The following CNTNAP2 variants were observed in gnomAD, a reference collection of about 807,000 sequenced individuals.
The protein encoded by CNTNAP2 is contactin-associated protein-like 2.
In CNTNAP2, 98 loss-of-function variants were observed where a neutral mutation model predicts 155.2. That is an observed-to-expected ratio of 0.63 (90% CI 0.54 to 0.75). The LOEUF is 0.75. CNTNAP2 is among the 30% of genes least tolerant of loss of function. The pLI is 0.00. For synonymous variants in CNTNAP2, 651 were observed against 631.2 expected, an observed-to-expected ratio of 1.03 and a Z score of -0.47; for missense variants, 1,727 against 1,688.1, an observed-to-expected ratio of 1.02 and a Z score of -0.40.
intron 3 of CNTNAP2, among the ~76,000 whole-genome samples, chr7:147,005,377 T>C (rs796096860): frequency 6.6e-5 from 10 of 152,234 alleles, no homozygotes; most frequent in African/African-American, 2.4e-4. Context: ...ACAAAAGTAT[T>C]GTAGAGAAGG....
intron 15 of CNTNAP2, among the ~76,000 whole-genome samples, chr7:148,046,075 T>C (rs1339473999): frequency 1.3e-5 from 2 of 152,174 alleles, no homozygotes; most frequent in Non-Finnish European, 2.9e-5. Flanking sequence ...TACCAAAATA[T>C]AGCACCAGTT....
At chr7:146,200,541 C>CACACACAT (rs140777495) in intron 1 of CNTNAP2, among the ~76,000 whole-genome samples, 11 of 150,834 alleles carry the variant, frequency 7.3e-5, no homozygotes, top group African/African-American at 2.0e-4. Context: ...CACACACACA[C>CACACACAT]ATATATATAC....
intron 1 of CNTNAP2, among the ~76,000 whole-genome samples, chr7:146,502,338 G>A (rs532844535): frequency 2.6e-4 from 39 of 148,518 alleles, no homozygotes; most frequent in East Asian, 8.0e-4. Context: ...GAATAGTGCC[G>A]CAATGAACAC....
intron 5 of CNTNAP2, among the ~76,000 whole-genome samples, chr7:147,111,447 C>T (rs1182072293): frequency 1.3e-5 from 2 of 152,100 alleles, no homozygotes; most frequent in Non-Finnish European, 2.9e-5. Flanking sequence ...TTGCCTGTGC[C>T]CATGTCCTGA....
chr7:148,246,340 A>G (rs1796261987), intron 20 of CNTNAP2, among the ~76,000 whole-genome samples: 1 of 152,212 alleles, frequency 6.6e-6, no homozygotes, highest in South Asian at 2.1e-4. Flanking sequence ...AACCTTTTCA[A>G]CCACATAAAA....
At chr7:146,905,610 G>T (rs1796104121) in intron 3 of CNTNAP2, among the ~76,000 whole-genome samples, 2 of 152,112 alleles carry the variant, frequency 1.3e-5, no homozygotes, top group Admixed American at 6.5e-5. Context: ...TTCATTCAGA[G>T]ACTCAAAGAA....
At chr7:147,325,369 G>T (rs113592080) in intron 9 of CNTNAP2, among the ~76,000 whole-genome samples, 37 of 152,116 alleles carry the variant, frequency 2.4e-4, no homozygotes, top group African/African-American at 8.0e-4. Flanking sequence ...TATTTATAGT[G>T]GTATAATATA....
chr7:147,744,066 A>G (rs1452858729), intron 13 of CNTNAP2, among the ~76,000 whole-genome samples: 1 of 152,250 alleles, frequency 6.6e-6, no homozygotes, highest in Non-Finnish European at 1.5e-5. Context: ...TAATGCCCAT[A>G]AAGAGTTTAG....
intron 21 of CNTNAP2, among the ~76,000 whole-genome samples, chr7:148,309,030 T>G (rs557272052): frequency 6.6e-6 from 1 of 152,348 alleles, no homozygotes; most frequent in Admixed American, 6.5e-5. Flanking sequence ...AGTGCCGCAA[T>G]AAACATACAT....
At chr7:146,882,477 C>T (rs1269196709) in intron 3 of CNTNAP2, among the ~76,000 whole-genome samples, 8 of 151,964 alleles carry the variant, frequency 5.3e-5, no homozygotes, top group African/African-American at 1.9e-4. Context: ...TGAGTTCTCA[C>T]GACATCTGAT....
At chr7:148,024,157 T>TAAAAAAAAAAAAAAAAAA (rs34591496) in intron 15 of CNTNAP2, among the ~76,000 whole-genome samples, 3 of 107,628 alleles carry the variant, frequency 2.8e-5, no homozygotes, top group African/African-American at 1.1e-4. Context: ...CTTTAAAGTG[T>TAAAAAAAAAAAAAAAAAA]AAAAAAAAAA....
rs552892225 is a variant in CNTNAP2 at position 146,738,941 on chromosome 7, AAT to A, written c.98-35328_98-35327del. ...AATTTTTTGGTGTATAATTTTTCAT[AAT>A]AGTCTTTGATGATCCTTTGTATTTC... On this transcript the variant is annotated intron_variant, in intron 1 of 23. Coordinates refer to ENST00000361727, the MANE Select transcript of CNTNAP2 (RefSeq NM_014141.6). Among the ~76,000 whole-genome samples the A allele has an allele frequency of 2.8e-4, 43 of 151,496 alleles. 1 individual carries two copies. The East Asian group carries it at 8.2e-3, about 29-fold the overall frequency.
intron 10 of CNTNAP2, among the ~76,000 whole-genome samples, chr7:147,407,657 G>A (rs940805151): frequency 2.0e-4 from 17 of 83,634 alleles, no homozygotes; most frequent in Admixed American, 9.6e-4. Context: ...AACAGGTACT[G>A]ATGTAGCCTA....
chr7:148,352,101 A>G (rs7800706), intron 21 of CNTNAP2, among the ~76,000 whole-genome samples: 98,961 of 152,074 alleles, frequency 0.65, 32,661 homozygotes, highest in East Asian at 0.95. Context: ...GTCATTCGGG[A>G]CCATGTAGAT....
At chr7:148,000,386 G>A (rs1488411442) in intron 15 of CNTNAP2, among the ~76,000 whole-genome samples, 1 of 152,190 alleles carries the variant, frequency 6.6e-6, no homozygotes, top group Non-Finnish European at 1.5e-5. Context: ...GATAATGATT[G>A]CAGATAACAT....
chr7:147,155,307 A>T (rs1170191063), intron 8 of CNTNAP2, among the ~76,000 whole-genome samples: 1 of 152,166 alleles, frequency 6.6e-6, no homozygotes, highest in Non-Finnish European at 1.5e-5. Context: ...CAGTGCCTTG[A>T]TCTGGACTTC....
At chr7:146,212,617 C>T (rs1799053352) in intron 1 of CNTNAP2, among the ~76,000 whole-genome samples, 1 of 152,106 alleles carries the variant, frequency 6.6e-6, no homozygotes. Flanking sequence ...GCAATTAAGA[C>T]ATCTAATTTT....
intron 14 of CNTNAP2, among the ~76,000 whole-genome samples, chr7:147,951,197 A>C (rs1430639355): frequency 6.6e-6 from 1 of 152,228 alleles, no homozygotes; most frequent in Non-Finnish European, 1.5e-5. Context: ...TGGAAGACGA[A>C]GAATGGAGCC....
intron 15 of CNTNAP2, among the ~76,000 whole-genome samples, chr7:147,980,312 G>C (rs1801499447): frequency 1.3e-5 from 2 of 152,246 alleles, no homozygotes; most frequent in African/African-American, 4.8e-5. Flanking sequence ...TTGTTCATTT[G>C]CATTTCTATT....
Sources: gnomAD v4.1 joint callset for allele counts (sites outside exome capture counted in the v4.1 genomes callset) on GRCh38, gnomAD v4.1.1 for gene constraint, MANE v1.5 for transcripts, NCBI Gene and HGNC (gene_info 2026-07-23, HGNC 2026-07-21) for gene names.